KLHL24: variants seen among roughly 807,000 people sequenced by gnomAD.
KLHL24 encodes kelch-like protein 24.
Under a neutral mutation model 53.4 loss-of-function variants are expected in KLHL24, and 29 were observed. That is an observed-to-expected ratio of 0.54 (90% CI 0.40 to 0.74). KLHL24 has a LOEUF of 0.74. KLHL24 is among the 30% of genes least tolerant of loss of function. KLHL24 has a pLI of 0.00. For synonymous variants in KLHL24, 222 were observed against 253.7 expected, an observed-to-expected ratio of 0.88 and a Z score of 1.19; for missense variants, 504 against 744.0, an observed-to-expected ratio of 0.68 and a Z score of 3.75.
rs572969229 is a variant in KLHL24 at position 183,650,280 on chromosome 3, C to T, written c.-61-16C>T. 6.0e-6 allele frequency: 7 copies of T among 1,173,512 alleles called. No homozygotes were observed. The South Asian group carries it at 6.5e-5, about 11-fold the overall frequency. The allele number at this position is 1,173,512 out of a possible 1,614,324, so 72.7% of individuals were successfully genotyped here. The stretch of plus-strand genomic sequence containing the variant: ...ATTTTTTGCATATTGAAATGTTTTC[C>T]TTTTTTTACTTTTAGCCACATAAAG... On this transcript the variant is annotated splice_polypyrimidine_tract_variant and intron_variant, in intron 2 of 7. Coordinates refer to ENST00000242810, the MANE Select transcript of KLHL24 (RefSeq NM_017644.3). The surrounding 1 kb of genome is among the most constrained non-coding windows in gnomAD (Gnocchi z 4.5).
intron 2 of KLHL24, among the ~76,000 whole-genome samples, chr3:183,647,124 TAAA>T (rs376372259): frequency 4.3e-5 from 6 of 138,598 alleles, no homozygotes; most frequent in African/African-American, 7.8e-5. Context: ...TTGCAACTCT[TAAA>T]AAAAAAAAAA....
intron 2 of KLHL24, among the ~76,000 whole-genome samples, chr3:183,645,055 A>G (rs1429950642): frequency 1.3e-5 from 2 of 152,258 alleles, no homozygotes; most frequent in Non-Finnish European, 2.9e-5. Flanking sequence ...TTTAAACTAG[A>G]TTAAGCTGGA....
intron 5 of KLHL24, among the ~76,000 whole-genome samples, chr3:183,670,573 A>G (rs1338288640): frequency 6.6e-6 from 1 of 152,210 alleles, no homozygotes; most frequent in Non-Finnish European, 1.5e-5. Flanking sequence ...TTCTTTCCTA[A>G]TATTTTAGTT....
At chr3:183,675,553 CTT>C (rs1258107082) in intron 7 of KLHL24, among the ~76,000 whole-genome samples, 3 of 152,096 alleles carry the variant, frequency 2.0e-5, no homozygotes, top group Non-Finnish European at 2.9e-5. Flanking sequence ...AGTATTGAGA[CTT>C]ATTTCTAATT....
At chr3:183,667,941 G>A (rs951513630) in intron 5 of KLHL24, among the ~76,000 whole-genome samples, 1 of 151,108 alleles carries the variant, frequency 6.6e-6, no homozygotes, top group African/African-American at 2.4e-5. Context: ...TCAAACTCCT[G>A]GGTTCAAGCC....
chr3:183,651,752 G>A (rs921484452), intron 3 of KLHL24, among the ~76,000 whole-genome samples: 5 of 152,086 alleles, frequency 3.3e-5, no homozygotes, highest in East Asian at 3.9e-4. Context: ...TCAGGAGTTC[G>A]AGACCAGCCT....
At chr3:183,673,159 C>T (rs2108882304) in intron 7 of KLHL24, among the ~76,000 whole-genome samples, 1 of 152,136 alleles carries the variant, frequency 6.6e-6, no homozygotes, top group South Asian at 2.1e-4. Context: ...GAGCCGAGAT[C>T]ATGCCACTTG....
intron 2 of KLHL24, 129 bp downstream of exon 2, chr3:183,643,671 A>G (rs1359713764): frequency 6.6e-6 from 1 of 152,234 alleles, no homozygotes; most frequent in Non-Finnish European, 1.5e-5. Context: ...TAAGATCACA[A>G]AAGATGGCAG....
chr3:183,639,856 AC>A (rs1716086638), intron 1 of KLHL24, among the ~76,000 whole-genome samples: 1 of 145,752 alleles, frequency 6.9e-6, no homozygotes, highest in Non-Finnish European at 1.5e-5. Flanking sequence ...AACCAAACAA[AC>A]AAACAAACCC....
chr3:183,641,426 C>T (rs1312653715), intron 1 of KLHL24, among the ~76,000 whole-genome samples: 3 of 133,956 alleles, frequency 2.2e-5, no homozygotes, highest in Admixed American at 1.7e-4. Flanking sequence ...TGCAGTGAGC[C>T]GAGATCATGC....
intron 1 of KLHL24, 194 bp from the exon 2 acceptor site, chr3:183,643,282 CTAGT>C (rs1292669226): frequency 6.6e-6 from 1 of 152,100 alleles, no homozygotes; most frequent in African/African-American, 2.4e-5. Flanking sequence ...ATAAGAAAAA[CTAGT>C]TATGTAAAAT....
intron 2 of KLHL24, among the ~76,000 whole-genome samples, chr3:183,649,520 T>C (rs1040376162): frequency 1.1e-4 from 16 of 147,866 alleles, no homozygotes; most frequent in African/African-American, 3.9e-4. Context: ...TAGGAGAGAG[T>C]GCTAAAAAAA....
chr3:183,676,384 CGG>C (rs1307016512), intron 7 of KLHL24, among the ~76,000 whole-genome samples: 2 of 152,196 alleles, frequency 1.3e-5, no homozygotes, highest in Non-Finnish European at 2.9e-5. Context: ...GCATGAGCCA[CGG>C]CACCTGGCCT....
rs770281816 is a variant in KLHL24, at chr3:183,650,800, T to G, written c.444T>G (p.Ile148Met). The G allele has an allele frequency of 1.2e-6, 2 of 1,614,010 alleles. No homozygotes were observed. Among genetic ancestry groups the G allele is most frequent in the Admixed American group, 1.7e-5 (1 of 60,018 alleles). Reference protein sequence around the residue: ...YLFETSSLFQISVLRDACAKF... With the variant: ...YLFETSSLFQMSVLRDACAKF... The stretch of plus-strand genomic sequence containing the variant: ...TTGAGACATCAAGCCTCTTTCAGAT[T>G]AGTGTTCTCCGTGATGCATGTGCCA... Residue 148 changes from isoleucine (I) to methionine (M), a missense_variant, in exon 3 of 8, where the codon ATT becomes ATG. By Grantham distance (10) the Ile-to-Met change is conservative. Coordinates refer to ENST00000242810, the MANE Select transcript of KLHL24 (RefSeq NM_017644.3). This position sits in a 1 kb window ranked among gnomAD's most constrained non-coding sequence, Gnocchi z 4.5.
At chr3:183,661,733 C>G (rs760505533) in intron 3 of KLHL24, among the ~76,000 whole-genome samples, 1 of 152,072 alleles carries the variant, frequency 6.6e-6, no homozygotes, top group African/African-American at 2.4e-5. Context: ...AAAAGGCAAG[C>G]GAGTTTAAGC....
intron 3 of KLHL24, among the ~76,000 whole-genome samples, chr3:183,659,462 G>C (rs111656436): frequency 5.3e-5 from 8 of 152,298 alleles, no homozygotes; most frequent in Admixed American, 3.3e-4. Flanking sequence ...GCTTGAACCC[G>C]GGAAGAGGCA....
intron 3 of KLHL24, among the ~76,000 whole-genome samples, chr3:183,661,277 A>G (rs2108835935): frequency 6.6e-6 from 1 of 152,106 alleles, no homozygotes; most frequent in South Asian, 2.1e-4. Flanking sequence ...AAATAGAGTG[A>G]CATGGCATTC....
In KLHL24 at chr3:183,683,262, T is replaced by C. The variant is rs1712880965; in HGVS notation, c.*3976T>C. The C allele has an allele frequency of 6.6e-6, 1 of 152,660 alleles. No homozygotes were observed. 9.5% of individuals were successfully genotyped at this position (152,660 alleles called of 1,614,324 possible). On this transcript the variant is annotated 3_prime_UTR_variant, in exon 8 of 8. Coordinates refer to ENST00000242810, the MANE Select transcript of KLHL24 (RefSeq NM_017644.3). ...TTTCAGAGAGGAGAGCTTGGTGTTTTTGTGGTGCCAAGTGGTAAGATAATG... is the reference window on the plus strand; with the variant it reads ...TTTCAGAGAGGAGAGCTTGGTGTTTCTGTGGTGCCAAGTGGTAAGATAATG...
chr3:183,664,964 G>C lies in KLHL24; in HGVS notation c.1149G>C (p.Gln383His). 6.2e-7 allele frequency: 1 copy of C among 1,612,746 alleles called. No individual in the cohort carries two copies. The highest frequency in any genetic ancestry group is 8.5e-7 in the Non-Finnish European group (1 of 1,179,062). ...GTGATGTCTGGATTTATAACTCACA[G>C]TTAAATATTTGGATCAGAGTTGCCT... Reference protein sequence around the residue: ...NSRDVWIYNSQLNIWIRVASL... With the variant: ...NSRDVWIYNSHLNIWIRVASL... The change falls in exon 5 of 8, where the codon CAG becomes CAC. Residue 383 changes from glutamine (Q) to histidine (H), a missense_variant. Transcript: ENST00000242810.
Sources: gnomAD v4.1 joint callset for allele counts (sites outside exome capture counted in the v4.1 genomes callset) on GRCh38, gnomAD v4.1.1 for gene constraint, Gnocchi (gnomAD v3.1) non-coding constraint, MANE v1.5 for transcripts, NCBI Gene and HGNC (gene_info 2026-07-23, HGNC 2026-07-21) for gene names.